TFAP2B: variants seen among roughly 807,000 people sequenced by gnomAD.
TFAP2B encodes the protein transcription factor AP-2 beta.
Under a neutral mutation model 44.3 loss-of-function variants are expected in TFAP2B, and 9 were observed. The ratio of observed to expected loss-of-function variants is 0.20; its 90% confidence interval spans 0.12 to 0.35. The LOEUF is 0.35. TFAP2B is among the 10% of genes least tolerant of loss of function. The pLI is 1.00. For missense variants in TFAP2B, 509 were observed against 600.0 expected, an observed-to-expected ratio of 0.85 and a Z score of 1.59; for synonymous variants, 270 against 263.8, an observed-to-expected ratio of 1.02 and a Z score of -0.23.
At chr6:50,822,822 G>A (rs1770390392) in intron 1 of TFAP2B, among the ~76,000 whole-genome samples, 1 of 152,160 alleles carries the variant, frequency 6.6e-6, no homozygotes. Context: ...AGACCAGGTG[G>A]ATTCCTTGGA....
In TFAP2B at chr6:50,838,168, T is replaced by C. The variant is rs1581827248; in HGVS notation, c.940+75T>C. 6.1e-6 allele frequency: 7 copies of C among 1,143,450 alleles called. No individual in the cohort carries two copies. In the East Asian group the frequency reaches 1.6e-4, roughly 27 times the overall value. 70.8% of individuals were successfully genotyped at this position (1,143,450 alleles called of 1,614,324 possible). A position where few individuals can be genotyped will look rare whatever the true frequency, so the allele number is the denominator to read the frequency against. ...GCTGGAGGCTGACATTTTACACATT[T>C]CATGATTAACTGGAAATCGTTGTGA... On this transcript the variant is annotated intron_variant, in intron 5 of 6. Coordinates refer to ENST00000393655, the MANE Select transcript of TFAP2B (RefSeq NM_003221.4).
intron 1 of TFAP2B, among the ~76,000 whole-genome samples, chr6:50,821,396 C>A (rs894783940): frequency 6.6e-6 from 1 of 152,154 alleles, no homozygotes; most frequent in African/African-American, 2.4e-5. Context: ...GATGAAGCAA[C>A]CCTTTTTATT....
At chr6:50,820,785 G>T (rs1272988813) in intron 1 of TFAP2B, among the ~76,000 whole-genome samples, 5 of 151,916 alleles carry the variant, frequency 3.3e-5, no homozygotes, top group African/African-American at 1.2e-4. Context: ...ATTTCAGTGG[G>T]TTCTAAAAAG....
chr6:50,841,749 A>G (rs1343746182), intron 6 of TFAP2B, among the ~76,000 whole-genome samples: 1 of 152,110 alleles, frequency 6.6e-6, no homozygotes. Context: ...TCTAAGGTGT[A>G]CCTCTTAAGA....
chr6:50,839,538 G>A (rs1198811553), intron 5 of TFAP2B, among the ~76,000 whole-genome samples: 3 of 152,192 alleles, frequency 2.0e-5, no homozygotes, highest in African/African-American at 7.2e-5. Context: ...TCATCTTTGT[G>A]CAGTGAAAAG....
chr6:50,847,387 T>C lies in TFAP2B; in HGVS notation c.*3995T>C, dbSNP rs201889632. 4.6e-5 allele frequency: 7 copies of C among 152,764 alleles called. No individual in the cohort carries two copies. The East Asian group carries it at 1.4e-3, about 30-fold the overall frequency. The allele number at this position is 152,764 out of a possible 1,614,324, so 9.5% of individuals were successfully genotyped here. A position where few individuals can be genotyped will look rare whatever the true frequency, so the allele number is the denominator to read the frequency against. Reference sequence around the variant, plus strand: ...TAAGTTTGTATATATTTATTTATGCTTAATTTAATGGGAATGTGTAAATAT... The same window carrying C: ...TAAGTTTGTATATATTTATTTATGCCTAATTTAATGGGAATGTGTAAATAT... On this transcript the variant is annotated 3_prime_UTR_variant, in exon 7 of 7. Transcript: ENST00000393655.
At chr6:50,842,201 G>T (rs1762747216) in intron 6 of TFAP2B, among the ~76,000 whole-genome samples, 1 of 152,216 alleles carries the variant, frequency 6.6e-6, no homozygotes, top group Non-Finnish European at 1.5e-5. Context: ...CTGTGTGTCT[G>T]CCTGCCAGCC....
chr6:50,820,020 A>C (rs902702267), intron 1 of TFAP2B, among the ~76,000 whole-genome samples: 5 of 152,252 alleles, frequency 3.3e-5, no homozygotes, highest in African/African-American at 1.2e-4. Context: ...TTCTGCTGAG[A>C]CGTCGAGGTT....
rs529718679 is a variant in TFAP2B at position 50,823,646 on chromosome 6, G to A, written c.321G>A (p.Gly107=). The change falls in exon 2 of 7, where the codon GGG becomes GGA. Residue 107 remains glycine (G), a synonymous_variant. Coordinates refer to ENST00000393655, the MANE Select transcript of TFAP2B (RefSeq NM_003221.4). ...PLHQPQQHPW[G]QRQRQEVGSE... is the part of the protein sequence containing the mutation. ...ACCAGCCCCAGCAACATCCCTGGGG[G>A]CAACGGCAGCGGCAAGAAGTGGGTT... is the stretch of plus-strand genomic sequence containing the variant. 4 of 1,614,056 alleles carry A rather than the reference G, an allele frequency of 2.5e-6. No individual in the cohort carries two copies. The Admixed American group carries it at 6.7e-5, about 27-fold the overall frequency.
At chr6:50,820,662 T>C (rs2744469) in intron 1 of TFAP2B, among the ~76,000 whole-genome samples, 3 of 152,212 alleles carry the variant, frequency 2.0e-5, no homozygotes, top group Admixed American at 1.3e-4. Flanking sequence ...GGGATAATGG[T>C]AAAGTCCAAG....
intron 3 of TFAP2B, among the ~76,000 whole-genome samples, chr6:50,835,742 G>A (rs1014016634): frequency 6.6e-6 from 1 of 152,216 alleles, no homozygotes; most frequent in Non-Finnish European, 1.5e-5. Flanking sequence ...GTTAGCACAC[G>A]ATGGAATAAG....
chr6:50,841,714 T>C (rs749611777), intron 6 of TFAP2B, among the ~76,000 whole-genome samples: 78 of 152,064 alleles, frequency 5.1e-4, no homozygotes, highest in Non-Finnish European at 9.9e-4. Flanking sequence ...GGCCTGGGAG[T>C]GTGTGTTTGA....
rs544999222 is a variant in TFAP2B at position 50,844,910 on chromosome 6, C to T, written c.*1518C>T. The T allele has an allele frequency of 1.1e-4, 17 of 152,268 alleles. No individual in the cohort carries two copies. The highest frequency in any genetic ancestry group is 5.9e-4 in the Admixed American group (9 of 15,300). 9.4% of individuals were successfully genotyped at this position (152,268 alleles called of 1,614,324 possible). ...GTGCACTTGTTTTGGCATATAATGGCAAAATAATGCAAAGTGAAGGGAGAT... is the reference window on the plus strand; with the variant it reads ...GTGCACTTGTTTTGGCATATAATGGTAAAATAATGCAAAGTGAAGGGAGAT... On this transcript the variant is annotated 3_prime_UTR_variant, in exon 7 of 7. Transcript: ENST00000393655.
chr6:50,828,321 G>A (rs1030218197), intron 2 of TFAP2B, among the ~76,000 whole-genome samples: 3 of 152,102 alleles, frequency 2.0e-5, no homozygotes, highest in African/African-American at 4.8e-5. Context: ...CAATTCATAA[G>A]AGCAAATAAT....
intron 1 of TFAP2B, among the ~76,000 whole-genome samples, chr6:50,820,834 A>G (rs1318892613): frequency 2.0e-5 from 3 of 148,930 alleles, no homozygotes; most frequent in African/African-American, 7.4e-5. Context: ...AAAGTAAAGT[A>G]GCTAAATGGA....
intron 2 of TFAP2B, among the ~76,000 whole-genome samples, chr6:50,827,553 G>A (rs1315849051): frequency 2.0e-5 from 3 of 152,092 alleles, no homozygotes; most frequent in African/African-American, 7.2e-5. Flanking sequence ...AGCATGAGTC[G>A]GTGTGAGTGC....
chr6:50,841,624 A>G (rs1269266507), intron 6 of TFAP2B, among the ~76,000 whole-genome samples: 4 of 152,166 alleles, frequency 2.6e-5, no homozygotes, highest in African/African-American at 4.8e-5. Flanking sequence ...AGGGTATCAG[A>G]ATCAGCTGGT....
chr6:50,834,759 A>G (rs1466807558), intron 3 of TFAP2B, among the ~76,000 whole-genome samples: 1 of 152,228 alleles, frequency 6.6e-6, no homozygotes, highest in Non-Finnish European at 1.5e-5. Context: ...GACTTTATCA[A>G]ATAGGTAGGG....
At chr6:50,836,955 T>A (rs1451662739) in intron 4 of TFAP2B, among the ~76,000 whole-genome samples, 1 of 152,194 alleles carries the variant, frequency 6.6e-6, no homozygotes, top group Non-Finnish European at 1.5e-5. Context: ...GACTGACTCC[T>A]CCTCGTGGAA....
Sources: allele counts gnomAD v4.1 joint callset (sites outside exome capture counted in the v4.1 genomes callset), GRCh38; gene constraint gnomAD v4.1.1; transcripts MANE v1.5; gene names NCBI Gene and HGNC (gene_info 2026-07-23, HGNC 2026-07-21).